Variants in GRHL2 observed in about 807,000 individuals in gnomAD.
GRHL2 encodes grainyhead-like protein 2 homolog.
A neutral mutation model predicts 83.8 loss-of-function variants in GRHL2; 21 were observed. The observed-to-expected ratio is 0.25, with a 90% CI of 0.18 to 0.36. The LOEUF is 0.36. Among genes scored for constraint, GRHL2 ranks in the 10% least tolerant of loss-of-function variants. The probability of loss-of-function intolerance (pLI) is 1.00; values close to 1 mark genes in which losing one functional copy is unlikely to be tolerated. For missense variants in GRHL2, 623 were observed against 781.8 expected (o/e 0.80, Z 2.42); for synonymous variants, 280 against 278.9 (o/e 1.00, Z -0.04).
chr8:101,561,607 C>A (rs1811609677), intron 4 of GRHL2, among the ~76,000 whole-genome samples: 1 of 152,096 alleles, frequency 6.6e-6, no homozygotes, highest in Non-Finnish European at 1.5e-5. Context: ...TTGTTGTATC[C>A]CCCTTCTATA....
intron 9 of GRHL2, among the ~76,000 whole-genome samples, chr8:101,622,263 T>C (rs1812981005): frequency 6.6e-6 from 1 of 152,198 alleles, no homozygotes; most frequent in Non-Finnish European, 1.5e-5. Flanking sequence ...CCAAGGATTT[T>C]ATATGTAGCC....
the GRHL2 span, among the ~76,000 whole-genome samples, chr8:101,678,096 G>A: frequency 3.7e-4 from 57 of 152,302 alleles, no homozygotes; most frequent in Non-Finnish European, 5.4e-4. Context: ...GTCCGGAATA[G>A]GAACAGCTCC....
At position 101,558,822 on chromosome 8, in the gene GRHL2, A is replaced by G; in HGVS notation, c.678+10A>G. ...GGACGCAGCCACAGAGGTGAGTCCCAGGCTCCATCGACGGCCAGAACCCAA... is the reference window on the plus strand; with the variant it reads ...GGACGCAGCCACAGAGGTGAGTCCCGGGCTCCATCGACGGCCAGAACCCAA... On this transcript the variant is annotated intron_variant, in intron 4 of 15. Transcript: ENST00000646743. The G allele has an allele frequency of 6.2e-7, 1 of 1,613,560 alleles. No individual in the cohort carries two copies. The highest frequency in any genetic ancestry group is 8.5e-7 in the Non-Finnish European group (1 of 1,179,758).
At chr8:101,670,510 G>A (rs1472734321), downstream of GRHL2, among the ~76,000 whole-genome samples, 1 of 152,256 alleles carries the variant, frequency 6.6e-6, no homozygotes, top group Non-Finnish European at 1.5e-5. Context: ...CATGGAGGAA[G>A]CGCTCATTGC....
intron 14 of GRHL2, among the ~76,000 whole-genome samples, chr8:101,653,529 C>T (rs568732050): frequency 6.6e-6 from 1 of 152,254 alleles, no homozygotes; most frequent in African/African-American, 2.4e-5. Context: ...ACAGATGGAT[C>T]ACTTGAGGTC....
intron 1 of GRHL2, among the ~76,000 whole-genome samples, chr8:101,498,256 T>A (rs990397978): frequency 2.0e-5 from 3 of 152,186 alleles, no homozygotes; most frequent in Admixed American, 1.3e-4. Flanking sequence ...GTAGCTGGGA[T>A]TACAGGTGTG....
intron 1 of GRHL2, among the ~76,000 whole-genome samples, chr8:101,498,006 G>A (rs1810143175): frequency 6.6e-6 from 1 of 152,238 alleles, no homozygotes; most frequent in African/African-American, 2.4e-5. Context: ...CTGATTTGAA[G>A]TGATGTCACC....
intron 8 of GRHL2, among the ~76,000 whole-genome samples, chr8:101,610,291 AC>A (rs991601462): frequency 6.6e-5 from 10 of 150,990 alleles, no homozygotes; most frequent in African/African-American, 2.5e-4. Context: ...TAACTAATCT[AC>A]CTTTGGATCA....
At chr8:101,665,296 G>A (rs1480629904) in intron 15 of GRHL2, among the ~76,000 whole-genome samples, 1 of 152,234 alleles carries the variant, frequency 6.6e-6, no homozygotes, top group Non-Finnish European at 1.5e-5. Flanking sequence ...ACAGGAGCTA[G>A]TGGAAGTGCC....
intron 1 of GRHL2, among the ~76,000 whole-genome samples, chr8:101,515,930 C>T (rs750752773): frequency 1.3e-5 from 2 of 152,154 alleles, no homozygotes; most frequent in African/African-American, 4.8e-5. Flanking sequence ...ACTCAATTCT[C>T]GAATGACATC....
rs538261454 is a variant in GRHL2, at chr8:101,669,254, C to CTTTTTTTCTTTTTTTTTTTT, written c.*2558_*2559insCTTTTTTTTTTTTTTTTTTT. 5 of 126,640 alleles carry CTTTTTTTCTTTTTTTTTTTT rather than the reference C, an allele frequency of 3.9e-5. No individual in the cohort carries two copies. Among genetic ancestry groups the CTTTTTTTCTTTTTTTTTTTT allele is most frequent in the Admixed American group, 8.7e-5 (1 of 11,498 alleles). 7.8% of individuals were successfully genotyped at this position (126,640 alleles called of 1,614,324 possible). On this transcript the variant is annotated 3_prime_UTR_variant, in exon 16 of 16. Coordinates refer to ENST00000646743, the MANE Select transcript of GRHL2 (RefSeq NM_024915.4). Reference sequence around the variant, plus strand: ...GGACATGTGAAATGAGCATTTTTTTCTTTTTTTTTTTTAACAAAGTCTGAA... The same window carrying CTTTTTTTCTTTTTTTTTTTT: ...GGACATGTGAAATGAGCATTTTTTTCTTTTTTTCTTTTTTTTTTTTTTTTTTTTTTTTAACAAAGTCTGAA...
chr8:101,652,460 T>TGTGTGTCTG (rs1813671755), intron 14 of GRHL2, among the ~76,000 whole-genome samples: 1 of 82,258 alleles, frequency 1.2e-5, no homozygotes, highest in African/African-American at 6.6e-5. Context: ...GTGTGTCTGG[T>TGTGTGTCTG]GTGTGTGGTG....
At chr8:101,634,996 G>T (rs1251154350) in intron 11 of GRHL2, among the ~76,000 whole-genome samples, 1 of 152,116 alleles carries the variant, frequency 6.6e-6, no homozygotes, top group Non-Finnish European at 1.5e-5. Context: ...GGGAAAAATG[G>T]TGGGATGCAG....
chr8:101,548,877 A>G (rs1811319556), intron 2 of GRHL2, among the ~76,000 whole-genome samples: 1 of 152,220 alleles, frequency 6.6e-6, no homozygotes, highest in African/African-American at 2.4e-5. Context: ...ATTCACTTCC[A>G]TGAATCTTTG....
At chr8:101,525,286 C>G (rs1810781967) in intron 1 of GRHL2, among the ~76,000 whole-genome samples, 1 of 152,122 alleles carries the variant, frequency 6.6e-6, no homozygotes, top group Non-Finnish European at 1.5e-5. Flanking sequence ...TTTTCTAGAG[C>G]AGTGCTTCTC....
chr8:101,548,039 C>G (rs954942783), intron 2 of GRHL2, among the ~76,000 whole-genome samples: 1 of 152,204 alleles, frequency 6.6e-6, no homozygotes. Context: ...CTGGTTCCAG[C>G]TGTAGTGAAA....
intron 9 of GRHL2, among the ~76,000 whole-genome samples, chr8:101,623,845 C>CAGTTTACAGTACACAGTAGGAT: frequency 6.7e-6 from 1 of 150,348 alleles, no homozygotes; most frequent in Non-Finnish European, 1.5e-5. Context: ...CACAGTAGGA[C>CAGTTTACAGTACACAGTAGGAT]AGTTTACAAT....
At chr8:101,675,047 T>C in the GRHL2 span, among the ~76,000 whole-genome samples, 7 of 152,168 alleles carry the variant, frequency 4.6e-5, no homozygotes, top group African/African-American at 1.7e-4. Flanking sequence ...TAGCTATTGA[T>C]GGGACGTATC....
chr8:101,668,492 CG>C lies in GRHL2; in HGVS notation c.*1790del, dbSNP rs1433159902. The stretch of plus-strand genomic sequence containing the variant: ...CAGGTGCTGTGGCCAAGAAGATCTC[CG>C]AGCAGCAGTGACGGGGCACCTTGCT... On this transcript the variant is annotated 3_prime_UTR_variant, in exon 16 of 16. Coordinates refer to ENST00000646743, the MANE Select transcript of GRHL2 (RefSeq NM_024915.4). The C allele has an allele frequency of 6.5e-6, 1 of 152,694 alleles. No homozygotes were observed. The highest frequency in any genetic ancestry group is 1.5e-5 in the Non-Finnish European group (1 of 68,186). The allele number at this position is 152,694 out of a possible 1,614,324, so 9.5% of individuals were successfully genotyped here.
Sources: gnomAD v4.1 joint callset for allele counts (sites outside exome capture counted in the v4.1 genomes callset) on GRCh38, gnomAD v4.1.1 for gene constraint, MANE v1.5 for transcripts, NCBI Gene and HGNC (gene_info 2026-07-23, HGNC 2026-07-21) for gene names.